TMEM266: variants seen among roughly 807,000 people sequenced by gnomAD.
TMEM266 encodes the protein Hv1 related protein 1.
A neutral mutation model predicts 50.5 loss-of-function variants in TMEM266; 33 were observed. That is an observed-to-expected ratio of 0.65 (90% CI 0.50 to 0.87). The LOEUF (loss-of-function observed/expected upper bound fraction) is 0.87. Among genes scored for constraint, TMEM266 ranks in the 40% least tolerant of loss-of-function variants. The probability of loss-of-function intolerance (pLI) is 0.00; values close to 1 mark genes in which losing one functional copy is unlikely to be tolerated. For missense variants in TMEM266, 655 were observed against 695.1 expected (o/e 0.94, Z 0.65); for synonymous variants, 310 against 292.3 (o/e 1.06, Z -0.62).
intron 1 of TMEM266, among the ~76,000 whole-genome samples, chr15:76,116,125 C>T (rs1338368014): frequency 6.6e-6 from 1 of 152,182 alleles, no homozygotes; most frequent in Non-Finnish European, 1.5e-5. Context: ...GCAGCCTGCA[C>T]CCACTGTGGC....
intron 8 of TMEM266, among the ~76,000 whole-genome samples, chr15:76,186,646 C>T (rs2038494227): frequency 6.6e-6 from 1 of 152,228 alleles, no homozygotes; most frequent in African/African-American, 2.4e-5. Flanking sequence ...CTCTCTCCAC[C>T]TTCGTCCCTA....
intron 1 of TMEM266, among the ~76,000 whole-genome samples, chr15:76,122,564 A>G (rs1381939628): frequency 6.6e-6 from 1 of 152,256 alleles, no homozygotes; most frequent in Non-Finnish European, 1.5e-5. Context: ...CATGTAAAGC[A>G]AAAGATTAAT....
chr15:76,077,431 G>GCC (rs1190991385), intron 1 of TMEM266, among the ~76,000 whole-genome samples: 2 of 152,032 alleles, frequency 1.3e-5, no homozygotes, highest in African/African-American at 4.8e-5. Context: ...CACAAATGGT[G>GCC]GTGTGGTAAG....
intron 1 of TMEM266, among the ~76,000 whole-genome samples, chr15:76,117,481 A>G (rs1596115170): frequency 6.6e-6 from 1 of 152,034 alleles, no homozygotes; most frequent in South Asian, 2.1e-4. Flanking sequence ...CCATCTCCAC[A>G]CCCACCTCCC....
chr15:76,073,964 G>T (rs1420026450), intron 1 of TMEM266, among the ~76,000 whole-genome samples: 2 of 151,144 alleles, frequency 1.3e-5, no homozygotes, highest in African/African-American at 2.5e-5. Flanking sequence ...ACTGTAGTTT[G>T]TGACACATGT....
intron 9 of TMEM266, 37 bp from the exon 10 acceptor site, chr15:76,202,165 T>C: frequency 6.4e-7 from 1 of 1,569,818 alleles, no homozygotes; most frequent in Non-Finnish European, 8.7e-7. Context: ...GAGAATGAAC[T>C]TGATGCACTC....
At chr15:76,202,768 G>A (rs190021087) in intron 10 of TMEM266, among the ~76,000 whole-genome samples, 2 of 152,202 alleles carry the variant, frequency 1.3e-5, no homozygotes, top group East Asian at 1.9e-4. Context: ...TGGGTGTCTC[G>A]TTTCTCCATA....
intron 1 of TMEM266, chr15:76,112,816 G>A (rs948189097): frequency 5.9e-5 from 9 of 152,064 alleles, no homozygotes; most frequent in African/African-American, 1.7e-4. Flanking sequence ...AGGAGCTTAC[G>A]GTCTAGAGTA....
intron 1 of TMEM266, among the ~76,000 whole-genome samples, chr15:76,086,339 A>T (rs2036776654): frequency 6.6e-6 from 1 of 152,206 alleles, no homozygotes; most frequent in Non-Finnish European, 1.5e-5. Context: ...TGGTGATAGA[A>T]ATCAGGACAG....
chr15:76,171,661 G>A (rs934680726), intron 7 of TMEM266, among the ~76,000 whole-genome samples: 7 of 152,222 alleles, frequency 4.6e-5, no homozygotes, highest in Non-Finnish European at 1.0e-4. Flanking sequence ...CTGCTGGCAG[G>A]GGCTGGCTTT....
chr15:76,131,586 A>T (rs1462533253), intron 1 of TMEM266, among the ~76,000 whole-genome samples: 1 of 152,218 alleles, frequency 6.6e-6, no homozygotes, highest in Non-Finnish European at 1.5e-5. Context: ...ATTGATACTG[A>T]TTAAATCTGT....
intron 1 of TMEM266, among the ~76,000 whole-genome samples, chr15:76,124,046 A>G (rs2037383224): frequency 6.6e-6 from 1 of 152,236 alleles, no homozygotes; most frequent in Admixed American, 6.5e-5. Context: ...CTAGGTTCAC[A>G]TAGCACCCCT....
chr15:76,194,989 C>T (rs1288876938), intron 9 of TMEM266, among the ~76,000 whole-genome samples: 1 of 152,182 alleles, frequency 6.6e-6, no homozygotes, highest in Admixed American at 6.5e-5. Context: ...CCAGCCTTAT[C>T]TCCTTCCACC....
intron 1 of TMEM266, among the ~76,000 whole-genome samples, chr15:76,104,077 G>T (rs1277812804): frequency 6.7e-6 from 1 of 148,988 alleles, no homozygotes; most frequent in Non-Finnish European, 1.5e-5. Context: ...CATGGTGGCA[G>T]GCGCCTGTAG....
chr15:76,157,975 G>A (rs1001950590), intron 4 of TMEM266, among the ~76,000 whole-genome samples: 1 of 152,100 alleles, frequency 6.6e-6, no homozygotes, highest in East Asian at 1.9e-4. Flanking sequence ...GTGACAGAGT[G>A]AGACCCCATC....
rs921289744 is a variant in TMEM266, at chr15:76,153,119, A to T, written c.228-3485A>T. Among the ~76,000 whole-genome samples, 5 of 138,460 alleles carry T rather than the reference A, an allele frequency of 3.6e-5. No individual in the cohort carries two copies. The highest frequency in any genetic ancestry group is 1.4e-4 in the African/African-American group (5 of 36,504). The allele number at this position is 138,460 out of a possible 152,430, so 90.8% of individuals were successfully genotyped here. On this transcript the variant is annotated intron_variant, in intron 3 of 10. Transcript: ENST00000388942. This position sits in a 1 kb window ranked among gnomAD's most constrained non-coding sequence, Gnocchi z 4.2. Reference sequence around the variant, plus strand: ...AGCTTCCTAACCACCTGATATGGTTAGTAAGTTTCTCTAACAAAAAAAAAA... The same window carrying T: ...AGCTTCCTAACCACCTGATATGGTTTGTAAGTTTCTCTAACAAAAAAAAAA...
chr15:76,158,502 G>C (rs1251330329), intron 4 of TMEM266, among the ~76,000 whole-genome samples: 2 of 152,238 alleles, frequency 1.3e-5, no homozygotes, highest in African/African-American at 4.8e-5. Context: ...GCTGTGACAA[G>C]GTATTGAGGA....
At chr15:76,166,510 T>A (rs2038098968) in intron 5 of TMEM266, among the ~76,000 whole-genome samples, 1 of 152,212 alleles carries the variant, frequency 6.6e-6, no homozygotes, top group Admixed American at 6.5e-5. Flanking sequence ...TTCTAGCTGT[T>A]TCACCTGCTT....
chr15:76,171,010 G>A lies in TMEM266; in HGVS notation c.531G>A (p.Val177=). 6.2e-7 allele frequency: 1 copy of A among 1,612,862 alleles called. No individual in the cohort carries two copies. Among genetic ancestry groups the A allele is most frequent in the Non-Finnish European group, 8.5e-7 (1 of 1,179,608 alleles). The change falls in exon 7 of 11, where the codon GTG becomes GTA. Residue 177 remains valine (V), a synonymous_variant. Coordinates refer to ENST00000388942, the MANE Select transcript of TMEM266 (RefSeq NM_152335.3). ...TCTCACAGGTGTTTGACGGGGCTGT[G>A]ATCATCCTATCTTTGGCTCCGATGG...
Sources: gnomAD v4.1 joint callset for allele counts (sites outside exome capture counted in the v4.1 genomes callset) on GRCh38, gnomAD v4.1.1 for gene constraint, Gnocchi (gnomAD v3.1) non-coding constraint, MANE v1.5 for transcripts, NCBI Gene and HGNC (gene_info 2026-07-23, HGNC 2026-07-21) for gene names.